AFF3: variants seen among roughly 807,000 people sequenced by gnomAD.
The protein encoded by AFF3 is AF4/FMR2 family member 3.
Under a neutral mutation model 129.7 loss-of-function variants are expected in AFF3, and 32 were observed. That is an observed-to-expected ratio of 0.25 (90% CI 0.19 to 0.33). AFF3 has a LOEUF of 0.33. Ranked by LOEUF, AFF3 falls within the 10% of genes least tolerant of loss-of-function variation. The pLI is 1.00. For missense variants in AFF3, 1,373 were observed against 1,592.0 expected (o/e 0.86, Z 2.34); for synonymous variants, 644 against 635.4 (o/e 1.01, Z -0.20).
rs117072564 is a variant in AFF3 at position 99,868,420 on chromosome 2, C to T, written c.874-30896G>A. On this transcript the variant is annotated intron_variant, in intron 7 of 24. Transcript: ENST00000672756. ...TCCAACATCAGGCCGGGAGGGGAGA[C>T]AGCAGGCCAGGCGAGCGAGTGTCTG... Among the ~76,000 whole-genome samples, 896 of 152,240 alleles carry T rather than the reference C, an allele frequency of 5.9e-3. 5 individuals are homozygous for T. The highest frequency in any genetic ancestry group is 0.016 in the East Asian group (82 of 5,170).
intron 13 of AFF3, among the ~76,000 whole-genome samples, chr2:99,603,206 G>T (rs1439646153): frequency 2.0e-5 from 3 of 151,992 alleles, no homozygotes; most frequent in African/African-American, 7.3e-5. Flanking sequence ...GAGCTCAGGG[G>T]CTGTAATATT....
In AFF3 at chr2:100,037,708, A is replaced by T. The variant is rs1225036692; in HGVS notation, c.54-28776T>A. On this transcript the variant is annotated intron_variant, in intron 4 of 24. Coordinates refer to ENST00000672756, the MANE Select transcript of AFF3 (RefSeq NM_001386135.1). ...TATATTTATATTTTATATATTATAT[A>T]TTTATATATTATATATATTTATATT... 3.2e-5 allele frequency among the ~76,000 whole-genome samples: 4 copies of T among 126,150 alleles called. No individual in the cohort carries two copies. In the East Asian group the frequency reaches 8.1e-4, roughly 26 times the overall value. The allele number at this position is 126,150 out of a possible 152,430, so 82.8% of individuals were successfully genotyped here. A position where few individuals can be genotyped will look rare whatever the true frequency, so the allele number is the denominator to read the frequency against.
At chr2:99,821,452 A>T (rs1687673226) in intron 8 of AFF3, among the ~76,000 whole-genome samples, 1 of 149,480 alleles carries the variant, frequency 6.7e-6, no homozygotes, top group Non-Finnish European at 1.5e-5. Flanking sequence ...CACTAACACT[A>T]ACAATAGCTG....
intron 4 of AFF3, among the ~76,000 whole-genome samples, chr2:100,062,677 T>C (rs1000727332): frequency 3.9e-5 from 6 of 152,164 alleles, no homozygotes; most frequent in Non-Finnish European, 7.3e-5. Context: ...CTATGACTAC[T>C]GGCAAAAGCA....
chr2:99,732,761 CT>C (rs1382308990), intron 10 of AFF3, among the ~76,000 whole-genome samples: 3 of 152,182 alleles, frequency 2.0e-5, no homozygotes, highest in Non-Finnish European at 4.4e-5. Flanking sequence ...ATATGGCCAA[CT>C]TTAGCAGGGA....
chr2:99,546,450 A>G lies in AFF3; in HGVS notation c.*5024T>C, dbSNP rs2104416861. The stretch of plus-strand genomic sequence containing the variant: ...CCATCTGCAAACAAACCCTTTCTGC[A>G]TTTTTCTCTCTAGACACGAGTGAGT... On this transcript the variant is annotated 3_prime_UTR_variant, in exon 25 of 25. Transcript: ENST00000672756. 1 of 232,968 alleles carries G rather than the reference A, an allele frequency of 4.3e-6. No homozygotes were observed. The highest frequency in any genetic ancestry group is 8.5e-6 in the Non-Finnish European group (1 of 117,904). The allele number at this position is 232,968 out of a possible 1,614,324, so 14.4% of individuals were successfully genotyped here.
intron 4 of AFF3, among the ~76,000 whole-genome samples, chr2:100,045,137 T>C (rs1469984909): frequency 6.6e-6 from 1 of 151,678 alleles, no homozygotes; most frequent in Non-Finnish European, 1.5e-5. Context: ...GGAGGGGGAC[T>C]GGCCATGGCA....
At chr2:99,785,208 C>G (rs2105404222) in intron 8 of AFF3, among the ~76,000 whole-genome samples, 1 of 152,308 alleles carries the variant, frequency 6.6e-6, no homozygotes, top group East Asian at 1.9e-4. Flanking sequence ...GGCAAAGCCA[C>G]TCCAGGTTCT....
At chr2:100,003,324 G>A (rs1054345625) in intron 7 of AFF3, among the ~76,000 whole-genome samples, 5 of 152,134 alleles carry the variant, frequency 3.3e-5, no homozygotes, top group Non-Finnish European at 7.3e-5. Flanking sequence ...GCGTGTGTGT[G>A]TGAACAAAAA....
intron 1 of AFF3, among the ~76,000 whole-genome samples, chr2:100,137,402 A>G (rs1432350959): frequency 6.6e-6 from 1 of 152,172 alleles, no homozygotes; most frequent in Admixed American, 6.5e-5. Context: ...TTGCCATGGT[A>G]TTTAGAAACA....
chr2:99,599,879 T>C (rs923964170), intron 14 of AFF3, among the ~76,000 whole-genome samples: 1 of 152,198 alleles, frequency 6.6e-6, no homozygotes, highest in African/African-American at 2.4e-5. Context: ...TTTTGAATTA[T>C]CCCCATTAGA....
chr2:99,584,269 A>G (rs1212295944), intron 16 of AFF3, among the ~76,000 whole-genome samples: 4 of 151,560 alleles, frequency 2.6e-5, no homozygotes, highest in Admixed American at 6.6e-5. Context: ...GGAGTTCGAG[A>G]CCAGCCTGGC....
At chr2:100,059,416 T>C (rs755415758) in intron 4 of AFF3, among the ~76,000 whole-genome samples, 4 of 152,192 alleles carry the variant, frequency 2.6e-5, no homozygotes, top group East Asian at 1.9e-4. Flanking sequence ...ACATGTAGCA[T>C]TGGGATGCCT....
At chr2:99,868,773 T>C (rs761415666) in intron 7 of AFF3, among the ~76,000 whole-genome samples, 1 of 152,144 alleles carries the variant, frequency 6.6e-6, no homozygotes, top group Non-Finnish European at 1.5e-5. Context: ...GAAAAGGAGC[T>C]ATGCCAAGGC....
chr2:99,910,058 G>A (rs190842766), intron 7 of AFF3, among the ~76,000 whole-genome samples: 11 of 152,204 alleles, frequency 7.2e-5, no homozygotes, highest in Admixed American at 4.6e-4. Flanking sequence ...ATGTATAGCC[G>A]CAGTATGTTC....
intron 8 of AFF3, among the ~76,000 whole-genome samples, chr2:99,788,821 G>T (rs987087288): frequency 2.0e-5 from 3 of 152,070 alleles, no homozygotes; most frequent in African/African-American, 7.2e-5. Context: ...TCCTATGCAA[G>T]TATACTATTT....
chr2:99,869,042 C>G (rs916218209), intron 7 of AFF3, among the ~76,000 whole-genome samples: 57 of 152,076 alleles, frequency 3.7e-4, no homozygotes, highest in Admixed American at 5.9e-4. Flanking sequence ...CCCTCTGCCT[C>G]TGCCTCTGCC....
intron 14 of AFF3, among the ~76,000 whole-genome samples, chr2:99,600,915 T>C (rs1679766436): frequency 6.6e-6 from 1 of 152,198 alleles, no homozygotes; most frequent in Non-Finnish European, 1.5e-5. Flanking sequence ...CTAATTTTTC[T>C]TTTTCTATTT....
intron 7 of AFF3, among the ~76,000 whole-genome samples, chr2:99,903,591 ACAT>A (rs1413071654): frequency 7.2e-5 from 11 of 152,218 alleles, no homozygotes; most frequent in Non-Finnish European, 1.2e-4. Flanking sequence ...CACATAGATA[ACAT>A]CATCAAGTTT....
Sources: allele counts gnomAD v4.1 joint callset (sites outside exome capture counted in the v4.1 genomes callset), GRCh38; gene constraint gnomAD v4.1.1; transcripts MANE v1.5; gene names NCBI Gene and HGNC (gene_info 2026-07-23, HGNC 2026-07-21).